The following TNFAIP8 variants were observed in gnomAD, a reference collection of about 807,000 sequenced individuals.
TNFAIP8 encodes TNF alpha induced protein 8, also known as tumor necrosis factor alpha-induced protein 8.
A neutral mutation model predicts 13.3 loss-of-function variants in TNFAIP8; 7 were observed. The observed-to-expected ratio is 0.52, with a 90% confidence interval of 0.30 to 0.99. The LOEUF is 0.99. Ranked by LOEUF, TNFAIP8 falls within the 50% of genes least tolerant of loss-of-function variation. TNFAIP8 has a pLI of 0.07. For missense variants in TNFAIP8, 258 were observed against 236.9 expected (o/e 1.09, Z -0.58); for synonymous variants, 94 against 87.6 (o/e 1.07, Z -0.41).
In TNFAIP8 at chr5:119,293,207, T is replaced by G. The variant is rs1276120648; in HGVS notation, c.1+24300T>G. Among the ~76,000 whole-genome samples the G allele has an allele frequency of 2.6e-5, 4 of 152,244 alleles. No homozygotes were observed. In the East Asian group the frequency reaches 7.7e-4, roughly 29 times the overall value. On this transcript the variant is annotated intron_variant, in intron 1 of 1. Transcript: ENST00000274456. ...CACATCCCTTTTTTTTCATATGTGG[T>G]GCCAATACTGAAAAATCTACTCTTC... is the stretch of plus-strand genomic sequence containing the variant.
chr5:119,385,984 A>G (rs1752652795), intron 1 of TNFAIP8, among the ~76,000 whole-genome samples: 1 of 152,238 alleles, frequency 6.6e-6, no homozygotes, highest in Non-Finnish European at 1.5e-5. Flanking sequence ...AGTACCAGTA[A>G]TATCCCTGAG....
intron 1 of TNFAIP8, among the ~76,000 whole-genome samples, chr5:119,349,282 A>G (rs533404484): frequency 1.6e-4 from 25 of 152,326 alleles, no homozygotes; most frequent in African/African-American, 5.1e-4. Flanking sequence ...GGCCTTAATC[A>G]TGATTATATT....
intron 1 of TNFAIP8, 73 bp from the exon 2 acceptor site, chr5:119,392,743 C>T: frequency 7.0e-7 from 1 of 1,435,748 alleles, no homozygotes; most frequent in Non-Finnish European, 9.2e-7. Flanking sequence ...CTCCCAAATA[C>T]CTGTTTTTAG....
At chr5:119,370,351 TTTAAG>T (rs1413000910) in intron 1 of TNFAIP8, among the ~76,000 whole-genome samples, 9 of 152,220 alleles carry the variant, frequency 5.9e-5, no homozygotes, top group Non-Finnish European at 1.3e-4. Context: ...CATAAAACTC[TTTAAG>T]TTGAGTAAAG....
At chr5:119,335,396 A>C (rs11954854) in intron 1 of TNFAIP8, among the ~76,000 whole-genome samples, 28,323 of 152,056 alleles carry the variant, frequency 0.19, 5,051 homozygotes, top group African/African-American at 0.47. Flanking sequence ...GCTGGGTGTA[A>C]ATGTCCATCA....
chr5:119,393,383 C>T lies in TNFAIP8; in HGVS notation c.*2C>T, dbSNP rs1303288198. 6.2e-7 allele frequency: 1 copy of T among 1,608,834 alleles called. No individual in the cohort carries two copies. Among genetic ancestry groups the T allele is most frequent in the Non-Finnish European group, 8.5e-7 (1 of 1,176,644 alleles). On this transcript the variant is annotated 3_prime_UTR_variant, in exon 2 of 2. Transcript: ENST00000504771. ...ATGTTGGATGAAGAGAACATATGAG[C>T]ACATGAGTTAAGATTGTGACTGATC... is the stretch of plus-strand genomic sequence containing the variant.
chr5:119,274,696 C>G (rs1581559488), intron 1 of TNFAIP8, among the ~76,000 whole-genome samples: 1 of 152,234 alleles, frequency 6.6e-6, no homozygotes, highest in Middle Eastern at 3.2e-3. Flanking sequence ...AGCAAGGATT[C>G]CCTGCCCTGT....
chr5:119,306,909 C>T (rs1010909318), intron 1 of TNFAIP8, among the ~76,000 whole-genome samples: 5 of 152,140 alleles, frequency 3.3e-5, no homozygotes, highest in Admixed American at 2.6e-4. Flanking sequence ...AAAGTAGCTT[C>T]CCAGAAATTT....
intron 1 of TNFAIP8, among the ~76,000 whole-genome samples, chr5:119,295,737 C>T (rs1354270114): frequency 3.3e-5 from 5 of 152,166 alleles, no homozygotes; most frequent in African/African-American, 7.2e-5. Flanking sequence ...GCCATTTTCA[C>T]GATGTTGATT....
chr5:119,395,050 G>T lies in TNFAIP8; in HGVS notation c.*1669G>T, dbSNP rs1753041895. The T allele has an allele frequency of 6.6e-6, 1 of 152,310 alleles. No individual in the cohort carries two copies. Among genetic ancestry groups the T allele is most frequent in the African/African-American group, 2.4e-5 (1 of 41,554 alleles). The allele number at this position is 152,310 out of a possible 1,614,324, so 9.4% of individuals were successfully genotyped here. A position where few individuals can be genotyped will look rare whatever the true frequency, so the allele number is the denominator to read the frequency against. The stretch of plus-strand genomic sequence containing the variant: ...CATTTCAGCCTAGAGAGGGTGGTCA[G>T]TTTCTCTGACACCCTCATTTGCTTG... On this transcript the variant is annotated 3_prime_UTR_variant, in exon 2 of 2. Coordinates refer to ENST00000504771, the MANE Select transcript of TNFAIP8 (RefSeq NM_014350.4).
At chr5:119,284,801 G>T (rs1014164081) in intron 1 of TNFAIP8, among the ~76,000 whole-genome samples, 9 of 152,110 alleles carry the variant, frequency 5.9e-5, no homozygotes, top group African/African-American at 2.2e-4. Context: ...CTGCCTTGCT[G>T]ATAACAAGTC....
At chr5:119,376,238 C>T (rs1156418952) in intron 1 of TNFAIP8, among the ~76,000 whole-genome samples, 1 of 152,002 alleles carries the variant, frequency 6.6e-6, no homozygotes, top group African/African-American at 2.4e-5. Flanking sequence ...CCTTAGCCTC[C>T]TGAGTAGCTA....
chr5:119,384,222 C>T (rs867013916), intron 1 of TNFAIP8, among the ~76,000 whole-genome samples: 4 of 152,290 alleles, frequency 2.6e-5, no homozygotes, highest in South Asian at 2.1e-4. Flanking sequence ...CGGTGGCTCA[C>T]GCCTGTAATC....
chr5:119,375,737 T>C (rs1752253910), intron 1 of TNFAIP8, among the ~76,000 whole-genome samples: 1 of 152,192 alleles, frequency 6.6e-6, no homozygotes, highest in Admixed American at 6.5e-5. Context: ...ATTTTAAATA[T>C]AATTTTAAGT....
intron 1 of TNFAIP8, among the ~76,000 whole-genome samples, chr5:119,281,252 C>A (rs988462234): frequency 2.2e-5 from 2 of 91,946 alleles, no homozygotes; most frequent in African/African-American, 6.9e-5. Context: ...TATTTATAGG[C>A]CTTTCCTCGG....
chr5:119,355,205 C>G, upstream of TNFAIP8: 1 of 684,002 alleles, frequency 1.5e-6, no homozygotes, highest in Non-Finnish European at 2.7e-6. Flanking sequence ...AAAACCTCCC[C>G]TTTGGCATTT....
chr5:119,284,681 G>GAA (rs200160390), intron 1 of TNFAIP8, among the ~76,000 whole-genome samples: 5 of 138,908 alleles, frequency 3.6e-5, no homozygotes, highest in African/African-American at 5.3e-5. Flanking sequence ...GCTCCATCTA[G>GAA]AAAAAAAAAA....
intron 1 of TNFAIP8, among the ~76,000 whole-genome samples, chr5:119,364,854 T>TG (rs1419565212): frequency 4.6e-5 from 3 of 64,814 alleles, no homozygotes; most frequent in South Asian, 6.9e-4. Context: ...TTTTTTTTTT[T>TG]TTTTTTTTTT....
At chr5:119,308,218 A>G (rs1048913816) in intron 1 of TNFAIP8, among the ~76,000 whole-genome samples, 2 of 152,012 alleles carry the variant, frequency 1.3e-5, no homozygotes, top group African/African-American at 4.8e-5. Context: ...AAATGACAGC[A>G]TTCCCTCTTT....
Sources: gnomAD v4.1 joint callset for allele counts (sites outside exome capture counted in the v4.1 genomes callset) on GRCh38, gnomAD v4.1.1 for gene constraint, MANE v1.5 for transcripts, NCBI Gene and HGNC (gene_info 2026-07-23, HGNC 2026-07-21) for gene names.